The following UMPS variants were observed in gnomAD, a reference collection of about 807,000 sequenced individuals.
The protein encoded by UMPS is uridine monophosphate synthetase, also known as uridine 5'-monophosphate synthase.
UMPS carries 21 observed loss-of-function variants against 38.9 expected under a neutral mutation model. The ratio of observed to expected loss-of-function variants is 0.54; its 90% CI spans 0.38 to 0.78. The LOEUF is 0.78. UMPS is among the 30% of genes least tolerant of loss of function. The probability of loss-of-function intolerance (pLI) is 0.00; values close to 1 mark genes in which losing one functional copy is unlikely to be tolerated. For synonymous variants in UMPS, 208 were observed against 219.3 expected, an observed-to-expected ratio of 0.95 and a Z score of 0.45; for missense variants, 533 against 591.6, an observed-to-expected ratio of 0.90 and a Z score of 1.03.
intron 5 of UMPS, chr3:124,742,467 A>C (rs2063563820): frequency 1.8e-5 from 11 of 599,824 alleles, no homozygotes; most frequent in Non-Finnish European, 2.9e-5. Flanking sequence ...TAAAATGGGG[A>C]TGATAACAGT....
chr3:124,738,123 A>G lies in UMPS; in HGVS notation c.866A>G (p.Asp289Gly), dbSNP rs2063530481. The change falls in exon 3 of 6, where the codon GAT (aspartate) becomes GGT (glycine). Residue 289 changes from aspartate (D) to glycine (G), a missense_variant. Coordinates refer to ENST00000232607, the MANE Select transcript of UMPS (RefSeq NM_000373.4). ...MLKTHVDILN[D>G]FTLDVMKELI... ...AAGACTCATGTAGATATTTTGAATGATTTTACTCTGGATGTGATGAAGGAG... is the reference window on the plus strand; with the variant it reads ...AAGACTCATGTAGATATTTTGAATGGTTTTACTCTGGATGTGATGAAGGAG... 4 of 1,614,090 alleles carry G rather than the reference A, an allele frequency of 2.5e-6. No homozygotes were observed. The highest frequency in any genetic ancestry group is 2.2e-5 in the East Asian group (1 of 44,908).
At chr3:124,739,755 C>G (rs559389980) in intron 3 of UMPS, among the ~76,000 whole-genome samples, 1 of 152,186 alleles carries the variant, frequency 6.6e-6, no homozygotes, top group Non-Finnish European at 1.5e-5. Context: ...GAAAAAGAGT[C>G]CTGTTAGTGT....
Position 124,738,194 on chromosome 3 carries a change from C to A in UMPS, c.937C>A (p.Arg313=). 1 of 1,613,974 alleles carries A rather than the reference C, an allele frequency of 6.2e-7. No individual in the cohort carries two copies. The highest frequency in any genetic ancestry group is 1.1e-5 in the South Asian group (1 of 91,030). ...KCHEFLIFED[R]KFADIGNTVK... The stretch of plus-strand genomic sequence containing the variant: ...CCATGAGTTCTTGATATTTGAAGAC[C>A]GGAAGTTTGCAGATATAGGAAACAC... Residue 313 remains arginine, a synonymous_variant, in exon 3 of 6, where the codon CGG becomes AGG. Transcript: ENST00000232607.
At chr3:124,739,948 T>G in intron 3 of UMPS, 76 bp from the exon 4 acceptor site, 1 of 1,355,082 alleles carries the variant, frequency 7.4e-7, no homozygotes, top group Non-Finnish European at 1.1e-6. Flanking sequence ...TTTCATATTG[T>G]AGTTGGTTGG....
At chr3:124,733,133 A>T (rs2063492555) in intron 1 of UMPS, among the ~76,000 whole-genome samples, 1 of 152,170 alleles carries the variant, frequency 6.6e-6, no homozygotes, top group Admixed American at 6.5e-5. Flanking sequence ...GCTAAACTCT[A>T]ACTTCCCTTA....
intron 1 of UMPS, among the ~76,000 whole-genome samples, chr3:124,734,536 C>T (rs10934683): frequency 0.27 from 41,541 of 151,962 alleles, 5,859 homozygotes; most frequent in East Asian, 0.4. Context: ...AGGTTGCCTT[C>T]AGAACAGATT....
intron 3 of UMPS, chr3:124,738,802 A>G (rs1309766422): frequency 1.9e-5 from 3 of 155,660 alleles, no homozygotes; most frequent in African/African-American, 7.2e-5. Context: ...TCTTTTATCA[A>G]ATAGGGACTC....
At chr3:124,739,354 T>C (rs2063540367) in intron 3 of UMPS, among the ~76,000 whole-genome samples, 1 of 152,150 alleles carries the variant, frequency 6.6e-6, no homozygotes, top group Admixed American at 6.5e-5. Flanking sequence ...TTTTTTGAGA[T>C]GGGGTCTTGC....
chr3:124,739,441 C>T (rs1022396723), intron 3 of UMPS, among the ~76,000 whole-genome samples: 11 of 152,162 alleles, frequency 7.2e-5, no homozygotes, highest in Non-Finnish European at 1.3e-4. Flanking sequence ...AAGTGATCCT[C>T]CCACCTCAGC....
At chr3:124,731,489 AT>A (rs919569890) in intron 1 of UMPS, 2 of 440,390 alleles carry the variant, frequency 4.5e-6, no homozygotes, top group Non-Finnish European at 9.1e-6. Context: ...TTATTATTTT[AT>A]TTATTTATTT....
Position 124,730,483 on chromosome 3 carries a change from T to A in UMPS, c.12T>A (p.Ala4=). 1 of 1,614,170 alleles carries A rather than the reference T, an allele frequency of 6.2e-7. No homozygotes were observed. The highest frequency in any genetic ancestry group is 8.5e-7 in the Non-Finnish European group (1 of 1,180,000). ...GGCAGCGCGCGACAATGGCGGTCGC[T>A]CGTGCAGCTTTGGGGCCATTGGTGA... is the stretch of plus-strand genomic sequence containing the variant. The part of the protein sequence containing the change: MAV[A]RAALGPLVTG... The change falls in exon 1 of 6, where the codon GCT becomes GCA. Residue 4 remains alanine (A), a synonymous_variant. Coordinates refer to ENST00000232607, the MANE Select transcript of UMPS (RefSeq NM_000373.4).
chr3:124,735,698 C>A (rs1036733087), intron 2 of UMPS, among the ~76,000 whole-genome samples: 16 of 152,124 alleles, frequency 1.1e-4, no homozygotes, highest in African/African-American at 3.4e-4. Context: ...AAAATTTGTC[C>A]AGGCACCATG....
rs1451421204 is a variant in UMPS at position 124,747,881 on chromosome 3, A to C, written c.*3797A>C. ...TAACACAGTGGACCAAGTGTCAGTCATTGAAAATGACCATGAGTAACCCTG... is the reference window on the plus strand; with the variant it reads ...TAACACAGTGGACCAAGTGTCAGTCCTTGAAAATGACCATGAGTAACCCTG... On this transcript the variant is annotated 3_prime_UTR_variant, in exon 6 of 6. Transcript: ENST00000232607. The C allele has an allele frequency of 6.6e-6, 3 of 453,536 alleles. No individual in the cohort carries two copies. The highest frequency in any genetic ancestry group is 4.0e-5 in the African/African-American group (2 of 49,996). 28.1% of individuals were successfully genotyped at this position (453,536 alleles called of 1,614,324 possible). A position where few individuals can be genotyped will look rare whatever the true frequency, so the allele number is the denominator to read the frequency against.
rs2063589740 is a variant in UMPS at position 124,745,470 on chromosome 3, T to G, written c.*1386T>G. ...CTTCTGCCTCTCTGGTTCAAGCAGT[T>G]CTCCTGCCTCAGCCTCCCGAGTAGC... On this transcript the variant is annotated 3_prime_UTR_variant, in exon 6 of 6. Coordinates refer to ENST00000232607, the MANE Select transcript of UMPS (RefSeq NM_000373.4). 2.2e-6 allele frequency: 1 copy of G among 453,938 alleles called. No homozygotes were observed. The highest frequency in any genetic ancestry group is 6.9e-5 in the East Asian group (1 of 14,398). The allele number at this position is 453,938 out of a possible 1,614,324, so 28.1% of individuals were successfully genotyped here.
rs1424207092 is a variant in UMPS at position 124,744,338 on chromosome 3, C to T, written c.*254C>T. The T allele has an allele frequency of 1.5e-5, 8 of 549,064 alleles. No homozygotes were observed. Among genetic ancestry groups the T allele is most frequent in the African/African-American group, 7.5e-5 (4 of 53,620 alleles). 34.0% of individuals were successfully genotyped at this position (549,064 alleles called of 1,614,324 possible). A position where few individuals can be genotyped will look rare whatever the true frequency, so the allele number is the denominator to read the frequency against. ...TGGTGTTTGTTAGACAGCCACAGTC[C>T]TGTCTGGGTTAGGGTCTTCCACATT... is the stretch of plus-strand genomic sequence containing the variant. On this transcript the variant is annotated 3_prime_UTR_variant, in exon 6 of 6. Transcript: ENST00000232607.
In UMPS at chr3:124,735,144, A is replaced by G. The variant is rs1370195838; in HGVS notation, c.208A>G (p.Thr70Ala). Reference sequence around the variant, plus strand: ...CCAAAATGCAGGCATCAGTTTTGACACCGTGTGTGGAGTGCCTTATACAGC... The same window carrying G: ...CCAAAATGCAGGCATCAGTTTTGACGCCGTGTGTGGAGTGCCTTATACAGC... ...TAQNAGISFD[T>A]VCGVPYTALP... Residue 70 changes from threonine to alanine, a missense_variant, in exon 2 of 6, where the codon ACC becomes GCC. Transcript: ENST00000232607. The G allele has an allele frequency of 6.2e-7, 1 of 1,614,046 alleles. No homozygotes were observed. Among genetic ancestry groups the G allele is most frequent in the Non-Finnish European group, 8.5e-7 (1 of 1,179,996 alleles).
intron 4 of UMPS, 31 bp downstream of exon 4, chr3:124,740,230 G>T: frequency 6.3e-7 from 1 of 1,581,042 alleles, no homozygotes; most frequent in Non-Finnish European, 8.6e-7. Flanking sequence ...GTGAGAGGGG[G>T]CAGGGGCTGC....
intron 1 of UMPS, among the ~76,000 whole-genome samples, chr3:124,733,138 C>A (rs2063492647): frequency 6.6e-6 from 1 of 152,004 alleles, no homozygotes; most frequent in South Asian, 2.1e-4. Context: ...ACTCTAACTT[C>A]CCTTAATAAG....
rs1409894380 is a variant in UMPS at position 124,746,810 on chromosome 3, T to TGCGC, written c.*2727_*2730dup. 3 of 437,072 alleles carry TGCGC rather than the reference T, an allele frequency of 6.9e-6. No homozygotes were observed. The highest frequency in any genetic ancestry group is 6.5e-5 in the African/African-American group (3 of 45,968). 27.1% of individuals were successfully genotyped at this position (437,072 alleles called of 1,614,324 possible). Reference sequence around the variant, plus strand: ...GTGTGTGTGTGTGCATGCGCGCGCGTGCGCACTGGAGGAACCTAAGAAACT... The same window carrying TGCGC: ...GTGTGTGTGTGTGCATGCGCGCGCGTGCGCGCGCACTGGAGGAACCTAAGAAACT... On this transcript the variant is annotated 3_prime_UTR_variant, in exon 6 of 6. Transcript: ENST00000232607.
Sources: allele counts gnomAD v4.1 joint callset (sites outside exome capture counted in the v4.1 genomes callset), GRCh38; gene constraint gnomAD v4.1.1; transcripts MANE v1.5; gene names NCBI Gene and HGNC (gene_info 2026-07-23, HGNC 2026-07-21).